VPS13B: variants seen among roughly 807,000 people sequenced by gnomAD.
The protein encoded by VPS13B is vacuolar protein sorting 13 homolog B, also known as intermembrane lipid transfer protein VPS13B.
In VPS13B, 285 loss-of-function variants were observed where a neutral mutation model predicts 426.4. That is an observed-to-expected ratio of 0.67 (90% confidence interval 0.61 to 0.74). The LOEUF is 0.74. Ranked by LOEUF, VPS13B falls within the 30% of genes least tolerant of loss-of-function variation. VPS13B has a pLI of 0.00. For synonymous variants in VPS13B, 1,676 were observed against 1,676.4 expected (o/e 1.00, Z 0.01); for missense variants, 4,537 against 4,782.6 (o/e 0.95, Z 1.51).
chr8:99,858,907 T>C (rs979869676), intron 56 of VPS13B, among the ~76,000 whole-genome samples: 7 of 152,136 alleles, frequency 4.6e-5, no homozygotes, highest in African/African-American at 1.7e-4. Context: ...TCTCCTCCTA[T>C]CCTGGTGCCT....
At chr8:99,040,195 A>G (rs1258027275) in intron 3 of VPS13B, among the ~76,000 whole-genome samples, 1 of 152,188 alleles carries the variant, frequency 6.6e-6, no homozygotes, top group African/African-American at 2.4e-5. Flanking sequence ...GCAAATTACA[A>G]CTAATTATAG....
At chr8:99,236,362 G>A (rs1218493062) in intron 17 of VPS13B, among the ~76,000 whole-genome samples, 2 of 151,944 alleles carry the variant, frequency 1.3e-5, no homozygotes, top group African/African-American at 4.8e-5. Flanking sequence ...CAATTCTCCT[G>A]ACTCAGTCTC....
chr8:99,052,811 A>T (rs1420401205), intron 3 of VPS13B, among the ~76,000 whole-genome samples: 1 of 152,132 alleles, frequency 6.6e-6, no homozygotes, highest in East Asian at 1.9e-4. Flanking sequence ...TTTCTAGTTT[A>T]TTTGCATAGA....
At chr8:99,801,378 G>A (rs1813111756) in intron 43 of VPS13B, among the ~76,000 whole-genome samples, 1 of 152,126 alleles carries the variant, frequency 6.6e-6, no homozygotes, top group Non-Finnish European at 1.5e-5. Context: ...CAAAACAAAT[G>A]ACCAGGAGTT....
At chr8:99,328,963 C>T (rs1810419976) in intron 19 of VPS13B, among the ~76,000 whole-genome samples, 2 of 152,124 alleles carry the variant, frequency 1.3e-5, no homozygotes, top group Admixed American at 6.5e-5. Context: ...TTTTACCTCT[C>T]CTCCCCCTAG....
At chr8:99,404,794 C>A (rs1333452771) in intron 21 of VPS13B, among the ~76,000 whole-genome samples, 1 of 152,130 alleles carries the variant, frequency 6.6e-6, no homozygotes. Flanking sequence ...CCATGTTAAG[C>A]TAACATCACA....
chr8:99,376,995 T>C (rs1426536165), intron 19 of VPS13B, among the ~76,000 whole-genome samples: 2 of 152,224 alleles, frequency 1.3e-5, no homozygotes, highest in East Asian at 3.9e-4. Context: ...AAGTATTGAA[T>C]TAAAATTATA....
In VPS13B at chr8:99,368,044, G is replaced by A. The variant is rs144944072; in HGVS notation, c.2825-16164G>A. 3.3e-5 allele frequency among the ~76,000 whole-genome samples: 5 copies of A among 152,296 alleles called. No individual in the cohort carries two copies. In the South Asian group the frequency reaches 1.0e-3, roughly 32 times the overall value. On this transcript the variant is annotated intron_variant, in intron 19 of 61. Coordinates refer to ENST00000357162, the MANE Select transcript of VPS13B (RefSeq NM_152564.5). ...TTCTAAGACTATTGTTAATTATTGG[G>A]AAAGAAAGAGAACCAAGGGAAATAA...
chr8:99,739,389 C>A (rs1033787756), intron 39 of VPS13B, among the ~76,000 whole-genome samples: 1 of 152,246 alleles, frequency 6.6e-6, no homozygotes, highest in Non-Finnish European at 1.5e-5. Flanking sequence ...TAGACTCCAC[C>A]TCTGGGGGCA....
intron 3 of VPS13B, among the ~76,000 whole-genome samples, chr8:99,058,518 A>C (rs1047160537): frequency 6.6e-6 from 1 of 152,072 alleles, no homozygotes; most frequent in African/African-American, 2.4e-5. Context: ...ACACATTAAG[A>C]GGTCCTGAGA....
chr8:99,813,566 C>A (rs1220625427), intron 44 of VPS13B, among the ~76,000 whole-genome samples: 1 of 152,200 alleles, frequency 6.6e-6, no homozygotes, highest in Non-Finnish European at 1.5e-5. Context: ...GAAAAGTTTG[C>A]TTCCTAATTT....
At chr8:99,688,432 T>C (rs1168060649) in intron 35 of VPS13B, among the ~76,000 whole-genome samples, 2 of 151,924 alleles carry the variant, frequency 1.3e-5, no homozygotes, top group Non-Finnish European at 2.9e-5. Flanking sequence ...GAACTAAAAT[T>C]GACAGAACTT....
intron 5 of VPS13B, 77 bp from the exon 6 acceptor site, chr8:99,111,021 A>G (rs1847334553): frequency 8.7e-7 from 1 of 1,150,318 alleles, no homozygotes; most frequent in Non-Finnish European, 1.2e-6. Flanking sequence ...TTTTATTACT[A>G]TTTATACTAA....
At chr8:99,803,231 C>T (rs1364110578) in intron 43 of VPS13B, among the ~76,000 whole-genome samples, 1 of 152,134 alleles carries the variant, frequency 6.6e-6, no homozygotes, top group Non-Finnish European at 1.5e-5. Context: ...TTTATTCCAA[C>T]CAGCTTTTTA....
intron 33 of VPS13B, among the ~76,000 whole-genome samples, chr8:99,578,431 G>A (rs1825875836): frequency 6.6e-6 from 1 of 151,990 alleles, no homozygotes; most frequent in African/African-American, 2.4e-5. Flanking sequence ...CACAGATTAT[G>A]TATTATAACT....
chr8:99,117,781 C>T (rs542194489), intron 7 of VPS13B, among the ~76,000 whole-genome samples: 5 of 151,950 alleles, frequency 3.3e-5, no homozygotes, highest in East Asian at 3.9e-4. Context: ...CCAGGAGTTG[C>T]GGGGAGGAGA....
At chr8:99,564,910 C>T (rs1002829957) in intron 31 of VPS13B, among the ~76,000 whole-genome samples, 3 of 152,170 alleles carry the variant, frequency 2.0e-5, no homozygotes, top group Non-Finnish European at 4.4e-5. Flanking sequence ...CCATTGTTAG[C>T]TAATCACTTT....
At chr8:99,874,545 A>G (rs1213178829) in intron 61 of VPS13B, among the ~76,000 whole-genome samples, 1 of 152,242 alleles carries the variant, frequency 6.6e-6, no homozygotes, top group East Asian at 1.9e-4. Flanking sequence ...AGTCTTGCCA[A>G]TGTTCAGTAG....
chr8:99,658,819 T>C (rs1830114282), intron 34 of VPS13B, among the ~76,000 whole-genome samples: 1 of 152,094 alleles, frequency 6.6e-6, no homozygotes, highest in Non-Finnish European at 1.5e-5. Flanking sequence ...GTTGTTTTTG[T>C]TTTTGTTTTT....
Sources: allele counts gnomAD v4.1 joint callset (sites outside exome capture counted in the v4.1 genomes callset), GRCh38; gene constraint gnomAD v4.1.1; transcripts MANE v1.5; gene names NCBI Gene and HGNC (gene_info 2026-07-23, HGNC 2026-07-21).